The following PEF1 variants were observed in gnomAD, a reference collection of about 807,000 sequenced individuals.
PEF1 encodes penta-EF-hand domain containing 1.
In PEF1, 17 loss-of-function variants were observed where a neutral mutation model predicts 32.0. The observed-to-expected ratio is 0.53, with a 90% confidence interval of 0.36 to 0.80. The LOEUF is 0.80. Ranked by LOEUF, PEF1 falls within the 30% of genes least tolerant of loss-of-function variation. The probability of loss-of-function intolerance (pLI) is 0.00; values close to 1 mark genes in which losing one functional copy is unlikely to be tolerated. For missense variants in PEF1, 362 were observed against 369.1 expected (o/e 0.98, Z 0.16); for synonymous variants, 130 against 139.8 (o/e 0.93, Z 0.50).
At chr1:31,639,618 G>T (rs1640345635) in intron 1 of PEF1, among the ~76,000 whole-genome samples, 1 of 152,348 alleles carries the variant, frequency 6.6e-6, no homozygotes, top group South Asian at 2.1e-4. Flanking sequence ...AGCCAGTGAG[G>T]GAGGCAGTAG....
In PEF1 at chr1:31,635,289, G is replaced by A. The variant is rs376943119; in HGVS notation, c.258C>T (p.Pro86=). Residue 86 remains proline (P), a synonymous_variant, in exon 2 of 5, where the codon CCC becomes CCT. Coordinates refer to ENST00000373703, the MANE Select transcript of PEF1 (RefSeq NM_012392.4). ...TPGGPYGGAA[P]GGPYGQPPPS... ...GAGGTGGCTGACCATAGGGGCCCCC[G>A]GGAGCTGCACCGCCATATGGTCCTC... 12 of 1,613,988 alleles carry A rather than the reference G, an allele frequency of 7.4e-6. No individual in the cohort carries two copies. Among genetic ancestry groups the A allele is most frequent in the East Asian group, 4.5e-5 (2 of 44,878 alleles).
chr1:31,636,301 A>G lies in PEF1; in HGVS notation c.25-779T>C, dbSNP rs796396578. On this transcript the variant is annotated intron_variant, in intron 1 of 4. Coordinates refer to ENST00000373703, the MANE Select transcript of PEF1 (RefSeq NM_012392.4). Reference sequence around the variant, plus strand: ...AAAACCTGGGCAACATAGAAAAACTACATCTCTATTTAAAAAATACAAAAA... The same window carrying G: ...AAAACCTGGGCAACATAGAAAAACTGCATCTCTATTTAAAAAATACAAAAA... Among the ~76,000 whole-genome samples the G allele has an allele frequency of 5.9e-5, 9 of 152,152 alleles. 1 individual carries two copies. Among genetic ancestry groups the G allele is most frequent in the African/African-American group, 2.2e-4 (9 of 41,490 alleles).
At chr1:31,632,369 G>A in intron 4 of PEF1, 126 bp downstream of exon 4, 2 of 1,504,244 alleles carry the variant, frequency 1.3e-6, no homozygotes, top group South Asian at 1.1e-5. Flanking sequence ...GGCCTGCACT[G>A]AGAACAGCAT....
chr1:31,644,670 T>G (rs1458957104), intron 1 of PEF1, 171 bp downstream of exon 1: 11 of 1,465,444 alleles, frequency 7.5e-6, no homozygotes, highest in African/African-American at 1.4e-5. Flanking sequence ...CTTCATGACG[T>G]GAGCAGGGCG....
rs1321211593 is a variant in PEF1, at chr1:31,633,324, G to A, written c.326-10C>T. 1 of 1,604,258 alleles carries A rather than the reference G, an allele frequency of 6.2e-7. No individual in the cohort carries two copies. Among genetic ancestry groups the A allele is most frequent in the African/African-American group, 1.3e-5 (1 of 74,772 alleles). ...TTGGGAGGGGCGCCACCTGGAGGAA[G>A]GGGTGTGAAGGCCATCAACAGAAAT... On this transcript the variant is annotated splice_polypyrimidine_tract_variant and intron_variant, in intron 2 of 4. Coordinates refer to ENST00000373703, the MANE Select transcript of PEF1 (RefSeq NM_012392.4).
At chr1:31,636,980 T>C (rs1640268491) in intron 1 of PEF1, among the ~76,000 whole-genome samples, 1 of 152,182 alleles carries the variant, frequency 6.6e-6, no homozygotes, top group Non-Finnish European at 1.5e-5. Flanking sequence ...AGACAGCAGC[T>C]AGGCCCAGCT....
At chr1:31,635,700 T>C (rs1171835864) in intron 1 of PEF1, among the ~76,000 whole-genome samples, 178 bp from the exon 2 acceptor site, 1 of 151,980 alleles carries the variant, frequency 6.6e-6, no homozygotes, top group Admixed American at 6.6e-5. Context: ...GAGCAACGAG[T>C]TACCCAAAGT....
intron 1 of PEF1, among the ~76,000 whole-genome samples, chr1:31,637,764 A>T (rs184023982): frequency 3.3e-5 from 5 of 152,248 alleles, no homozygotes; most frequent in Admixed American, 6.5e-5. Flanking sequence ...GAGCCCCTAC[A>T]ATATGGAACC....
Position 31,630,281 on chromosome 1 carries a change from T to A in PEF1, c.*332A>T, listed in dbSNP as rs764209658. On this transcript the variant is annotated 3_prime_UTR_variant, in exon 5 of 5. Transcript: ENST00000373703. ...GGCCGATGAACACTCACCACTGGCA[T>A]CAGGGTGGAGCTCAGCTGACTGGAC... The A allele has an allele frequency of 8.1e-5, 29 of 357,042 alleles. No individual in the cohort carries two copies. Among genetic ancestry groups the A allele is most frequent in the Non-Finnish European group, 1.6e-4 (29 of 186,188 alleles). 22.1% of individuals were successfully genotyped at this position (357,042 alleles called of 1,614,324 possible). A position where few individuals can be genotyped will look rare whatever the true frequency, so the allele number is the denominator to read the frequency against.
At chr1:31,640,694 T>G (rs1476728003) in intron 1 of PEF1, among the ~76,000 whole-genome samples, 1 of 152,264 alleles carries the variant, frequency 6.6e-6, no homozygotes, top group East Asian at 1.9e-4. Context: ...ACCTGGAATC[T>G]CTACCTGCAC....
chr1:31,641,471 A>C (rs1053597372), intron 1 of PEF1, among the ~76,000 whole-genome samples: 4 of 152,176 alleles, frequency 2.6e-5, no homozygotes, highest in African/African-American at 9.7e-5. Context: ...CTCCCCAAAA[A>C]GGCATACAAG....
At chr1:31,631,145 T>A (rs10914458) in intron 4 of PEF1, among the ~76,000 whole-genome samples, 2 of 151,952 alleles carry the variant, frequency 1.3e-5, no homozygotes, top group Non-Finnish European at 1.5e-5. Flanking sequence ...TCATCTCTGA[T>A]TCGTTTGCAT....
chr1:31,632,714 G>A (rs927633121), intron 3 of PEF1, 76 bp from the exon 4 acceptor site: 1 of 1,522,644 alleles, frequency 6.6e-7, no homozygotes, highest in African/African-American at 1.4e-5. Flanking sequence ...GACCCATTGA[G>A]GCAGCCCTTC....
chr1:31,633,135 C>A, intron 3 of PEF1, 24 bp downstream of exon 3: 1 of 1,603,932 alleles, frequency 6.2e-7, no homozygotes, highest in Non-Finnish European at 8.5e-7. Context: ...CCAGCTCAGG[C>A]CCAAGGGCAA....
intron 1 of PEF1, chr1:31,644,535 A>C: frequency 7.4e-7 from 1 of 1,356,706 alleles, no homozygotes; most frequent in Non-Finnish European, 9.5e-7. Flanking sequence ...CAAGGCCCCC[A>C]TGAGGGCCTT....
Position 31,644,502 on chromosome 1 carries a change from C to T in PEF1, c.24+339G>A, listed in dbSNP as rs1326861406. 7.8e-6 allele frequency: 10 copies of T among 1,284,484 alleles called. 1 individual carries two copies. The highest frequency in any genetic ancestry group is 3.8e-5 in the Admixed American group (1 of 26,316). The allele number at this position is 1,284,484 out of a possible 1,614,324, so 79.6% of individuals were successfully genotyped here. On this transcript the variant is annotated intron_variant, in intron 1 of 4. Coordinates refer to ENST00000373703, the MANE Select transcript of PEF1 (RefSeq NM_012392.4). Reference sequence around the variant, plus strand: ...CGGCGGAACCAGAACTCTAAACCTCCGGTCATGGCTGATGCCCCCGCCCAA... The same window carrying T: ...CGGCGGAACCAGAACTCTAAACCTCTGGTCATGGCTGATGCCCCCGCCCAA...
chr1:31,633,028 G>T, intron 3 of PEF1, 131 bp downstream of exon 3: 2 of 1,127,316 alleles, frequency 1.8e-6, no homozygotes, highest in Non-Finnish European at 2.5e-6. Context: ...CCTGAACCTA[G>T]CTTCCTCCCC....
At chr1:31,634,888 T>C (rs1640212895) in intron 2 of PEF1, 1 of 500,928 alleles carries the variant, frequency 2.0e-6, no homozygotes, top group Admixed American at 2.3e-5. Context: ...CTGCTCCTTC[T>C]CTCTGCCACA....
At chr1:31,632,421 T>TTTGTTGTA (rs1200996340) in intron 4 of PEF1, 74 bp downstream of exon 4, 1 of 1,606,522 alleles carries the variant, frequency 6.2e-7, no homozygotes, top group South Asian at 1.1e-5. Flanking sequence ...AGGAAACCCC[T>TTTGTTGTA]TTGTTGTATC....
Sources: gnomAD v4.1 joint callset for allele counts (sites outside exome capture counted in the v4.1 genomes callset) on GRCh38, gnomAD v4.1.1 for gene constraint, MANE v1.5 for transcripts, NCBI Gene and HGNC (gene_info 2026-07-23, HGNC 2026-07-21) for gene names.